The following TRIM49 variants were observed in gnomAD, a reference collection of about 807,000 sequenced individuals.
TRIM49 encodes the protein tripartite motif-containing protein 49.
Under a neutral mutation model 27.4 loss-of-function variants are expected in TRIM49, and 5 were observed. The observed-to-expected ratio is 0.18, with a 90% CI of 0.10 to 0.38. TRIM49 has a LOEUF of 0.38. Among genes scored for constraint, TRIM49 ranks in the 10% least tolerant of loss-of-function variants. The pLI is 1.00. For missense variants in TRIM49, 188 were observed against 487.5 expected (o/e 0.39, Z 5.79); for synonymous variants, 69 against 166.0 (o/e 0.42, Z 4.49).
At chr11:89,773,766 C>T in the TRIM49 span, among the ~76,000 whole-genome samples, 2 of 131,706 alleles carry the variant, frequency 1.5e-5, no homozygotes, top group Non-Finnish European at 3.1e-5. Flanking sequence ...TGGTGAAACC[C>T]TGTCTCTAGT....
chr11:89,806,394 T>C (rs551648343), intron 2 of TRIM49, among the ~76,000 whole-genome samples: 23 of 147,884 alleles, frequency 1.6e-4, no homozygotes, highest in African/African-American at 4.8e-4. Flanking sequence ...CAATTTTAAA[T>C]CCTTTAGCAT....
At chr11:89,790,413 T>A in the TRIM49 span, among the ~76,000 whole-genome samples, 1 of 150,518 alleles carries the variant, frequency 6.6e-6, no homozygotes, top group Admixed American at 6.6e-5. Flanking sequence ...GAGTAGTGGT[T>A]CTCCCAGCAC....
At chr11:89,804,911 G>T (rs1360544487) in intron 2 of TRIM49, among the ~76,000 whole-genome samples, 1 of 150,694 alleles carries the variant, frequency 6.6e-6, no homozygotes, top group Non-Finnish European at 1.5e-5. Context: ...TGAGAAGATG[G>T]TTCTATGACA....
the TRIM49 span, among the ~76,000 whole-genome samples, chr11:89,784,093 G>A: frequency 8.3e-6 from 1 of 120,586 alleles, no homozygotes; most frequent in Admixed American, 7.8e-5. Context: ...TGGGAATGCT[G>A]TTTACACTCA....
chr11:89,775,912 A>G, the TRIM49 span, among the ~76,000 whole-genome samples: 1 of 149,882 alleles, frequency 6.7e-6, no homozygotes, highest in South Asian at 2.1e-4. Flanking sequence ...CAGGGAGTAT[A>G]GAATAATACC....
the TRIM49 span, among the ~76,000 whole-genome samples, chr11:89,790,042 TG>T: frequency 7.0e-6 from 1 of 142,814 alleles, no homozygotes; most frequent in East Asian, 2.0e-4. Flanking sequence ...CCTGGAAAAT[TG>T]GGTCACTCCC....
In TRIM49 at chr11:89,808,168, T is replaced by C. The variant is rs1250179612; in HGVS notation, c.-191+269A>G. Among the ~76,000 whole-genome samples, 3 of 147,286 alleles carry C rather than the reference T, an allele frequency of 2.0e-5. No individual in the cohort carries two copies. In the East Asian group the frequency reaches 5.9e-4, roughly 29 times the overall value. On this transcript the variant is annotated intron_variant, in intron 1 of 7. Transcript: ENST00000329758. ...GAATCCAAATGATAGAGATGGACTATATTTTTCTTTCTATGCCAAGTCTTT... is the reference window on the plus strand; with the variant it reads ...GAATCCAAATGATAGAGATGGACTACATTTTTCTTTCTATGCCAAGTCTTT...
At chr11:89,808,402 T>G (rs1459345991) in intron 1 of TRIM49, 35 bp downstream of exon 1, 2 of 150,036 alleles carry the variant, frequency 1.3e-5, no homozygotes, top group African/African-American at 5.0e-5. Flanking sequence ...GTTAGGGAGA[T>G]TCACATATGA....
chr11:89,795,897 T>C (rs1949684997), downstream of TRIM49, among the ~76,000 whole-genome samples: 1 of 151,450 alleles, frequency 6.6e-6, no homozygotes, highest in Admixed American at 6.6e-5. Flanking sequence ...AAAAAAAAAA[T>C]CAAACTTTCC....
At chr11:89,770,834 C>A in the TRIM49 span, among the ~76,000 whole-genome samples, 1 of 143,932 alleles carries the variant, frequency 6.9e-6, no homozygotes, top group Non-Finnish European at 1.5e-5. Context: ...CCACTGCACT[C>A]CAGCCTGGGT....
chr11:89,803,912 T>C lies in TRIM49; in HGVS notation c.412-119A>G, dbSNP rs1258948436. The C allele has an allele frequency of 2.0e-5, 18 of 890,474 alleles. No homozygotes were observed. In the African/African-American group the frequency reaches 2.3e-4, roughly 12 times the overall value. 55.2% of individuals were successfully genotyped at this position (890,474 alleles called of 1,614,324 possible). ...TTTCCTTTGTTTCCCTTCATGTTTG[T>C]CAAAGCCCAGAGGTTGGAAGCTAAG... is the stretch of plus-strand genomic sequence containing the variant. On this transcript the variant is annotated intron_variant, in intron 3 of 7. Coordinates refer to ENST00000329758, the MANE Select transcript of TRIM49 (RefSeq NM_020358.2).
chr11:89,786,548 T>G, the TRIM49 span: 1 of 142,652 alleles, frequency 7.0e-6, no homozygotes, highest in Non-Finnish European at 1.5e-5. Context: ...CCCTGGAGTC[T>G]TTCTTTGAAT....
downstream of TRIM49, among the ~76,000 whole-genome samples, chr11:89,792,674 T>C (rs1242382892): frequency 6.6e-6 from 1 of 152,036 alleles, no homozygotes; most frequent in East Asian, 1.9e-4. Flanking sequence ...AAGGCAGAAA[T>C]AAAGATGTTC....
chr11:89,807,748 C>T, intron 1 of TRIM49, among the ~76,000 whole-genome samples: 1 of 150,784 alleles, frequency 6.6e-6, no homozygotes, highest in Non-Finnish European at 1.5e-5. Flanking sequence ...GTAGCCCATG[C>T]TGTTCTCCAA....
At chr11:89,789,660 G>A in the TRIM49 span, 4 of 152,154 alleles carry the variant, frequency 2.6e-5, no homozygotes, top group African/African-American at 9.7e-5. Flanking sequence ...CGTTGGAATA[G>A]CCAGGGTTAG....
intron 1 of TRIM49, 106 bp downstream of exon 1, chr11:89,808,331 T>G (rs1176983964): frequency 6.8e-6 from 1 of 148,020 alleles, no homozygotes. Flanking sequence ...AAGACAAATC[T>G]ATCAGACCCA....
At chr11:89,779,817 C>A in the TRIM49 span, among the ~76,000 whole-genome samples, 1 of 113,154 alleles carries the variant, frequency 8.8e-6, no homozygotes, top group African/African-American at 3.2e-5. Flanking sequence ...GTACTGACAT[C>A]ATTCTCAGTG....
the TRIM49 span, among the ~76,000 whole-genome samples, chr11:89,774,090 T>G: frequency 6.7e-6 from 1 of 148,660 alleles, no homozygotes; most frequent in African/African-American, 2.6e-5. Flanking sequence ...AACCTCTGCC[T>G]CCCAGGTTCA....
rs910755088 is a variant in TRIM49, at chr11:89,804,217, A to G, written c.253T>C (p.Phe85Leu). ...SLARKVSLWL[F>L]LSSEEQMCGT... The stretch of plus-strand genomic sequence containing the variant: ...CACATTTGCTCCTCAGAGCTCAGGA[A>G]TAGCCAGAGACTGACTTTTCTGGCA... The change falls in exon 3 of 8, where the codon TTC (phenylalanine) becomes CTC (leucine). Residue 85 changes from phenylalanine to leucine, a missense_variant. Phe to Leu is a conservative substitution (Grantham distance 22). Around this residue, in one of 6 missense-constraint regions of TRIM49, gnomAD observed 21 missense variants for 71.4 expected, o/e 0.29. Transcript: ENST00000329758. 1 of 1,607,196 alleles carries G rather than the reference A, an allele frequency of 6.2e-7. No homozygotes were observed. The highest frequency in any genetic ancestry group is 8.5e-7 in the Non-Finnish European group (1 of 1,177,246).
Sources: allele counts gnomAD v4.1 joint callset (sites outside exome capture counted in the v4.1 genomes callset), GRCh38; gene constraint gnomAD v4.1.1; regional missense constraint gnomAD v4.1.1; transcripts MANE v1.5; gene names NCBI Gene and HGNC (gene_info 2026-07-23, HGNC 2026-07-21).